The following AGBL4 variants were observed in gnomAD, a reference collection of about 807,000 sequenced individuals.
AGBL4 encodes AGBL carboxypeptidase 4.
Under a neutral mutation model 66.4 loss-of-function variants are expected in AGBL4, and 58 were observed. The ratio of observed to expected loss-of-function variants is 0.87; its 90% confidence interval spans 0.71 to 1.09. The LOEUF (loss-of-function observed/expected upper bound fraction) is 1.09. Ranked by LOEUF, AGBL4 falls within the 50% of genes least tolerant of loss-of-function variation. The pLI is 0.00. For synonymous variants in AGBL4, 234 were observed against 222.9 expected (o/e 1.05, Z -0.44); for missense variants, 579 against 631.0 (o/e 0.92, Z 0.88).
intron 3 of AGBL4, among the ~76,000 whole-genome samples, chr1:49,455,359 T>C (rs1557956443): frequency 1.3e-5 from 2 of 151,720 alleles, no homozygotes; most frequent in South Asian, 4.1e-4. Context: ...AATATTTGTC[T>C]AACGGTTAAA....
chr1:49,128,266 A>C (rs761262945), intron 4 of AGBL4, among the ~76,000 whole-genome samples: 1 of 152,012 alleles, frequency 6.6e-6, no homozygotes, highest in East Asian at 1.9e-4. Flanking sequence ...GAAGAGATAC[A>C]TTATGCCATA....
intron 2 of AGBL4, among the ~76,000 whole-genome samples, chr1:49,714,817 G>A (rs1647966532): frequency 6.6e-6 from 1 of 151,666 alleles, no homozygotes; most frequent in Non-Finnish European, 1.5e-5. Flanking sequence ...AGATTCAGTG[G>A]TAGCTCTATT....
chr1:48,648,426 A>G (rs1472647199), intron 8 of AGBL4, among the ~76,000 whole-genome samples: 2 of 152,190 alleles, frequency 1.3e-5, no homozygotes, highest in African/African-American at 4.8e-5. Flanking sequence ...CTACTAAATG[A>G]TGGAAGGTGC....
chr1:48,758,109 G>C (rs1004747488), intron 6 of AGBL4, among the ~76,000 whole-genome samples: 2 of 152,074 alleles, frequency 1.3e-5, no homozygotes, highest in African/African-American at 4.8e-5. Flanking sequence ...GTTAAAATAG[G>C]GTGCAATATA....
intron 3 of AGBL4, among the ~76,000 whole-genome samples, chr1:49,692,735 G>A (rs1394502472): frequency 6.6e-6 from 1 of 151,116 alleles, no homozygotes; most frequent in Non-Finnish European, 1.5e-5. Context: ...AAAAAAAAGA[G>A]CAGCAAACTT....
At chr1:49,381,845 G>T (rs1239448616) in intron 3 of AGBL4, among the ~76,000 whole-genome samples, 3 of 132,826 alleles carry the variant, frequency 2.3e-5, no homozygotes, top group Non-Finnish European at 4.7e-5. Context: ...GGGGACTGTG[G>T]TGGGGTGGGG....
intron 3 of AGBL4, among the ~76,000 whole-genome samples, chr1:49,450,028 G>T (rs1646243080): frequency 6.6e-6 from 1 of 152,034 alleles, no homozygotes; most frequent in South Asian, 2.1e-4. Flanking sequence ...CTGCCAGGTA[G>T]ACCTGCCAAC....
At chr1:48,996,661 G>A (rs537072011) in intron 5 of AGBL4, among the ~76,000 whole-genome samples, 5 of 152,080 alleles carry the variant, frequency 3.3e-5, no homozygotes, top group Non-Finnish European at 7.4e-5. Context: ...GAAGAATGTT[G>A]TGAATTAAAG....
At chr1:49,104,904 TC>T (rs2148008822) in intron 4 of AGBL4, among the ~76,000 whole-genome samples, 1 of 152,306 alleles carries the variant, frequency 6.6e-6, no homozygotes, top group Admixed American at 6.5e-5. Flanking sequence ...TCTTCTTTCC[TC>T]CCACACAAGA....
rs2148530932 is a variant in AGBL4 at position 49,358,087 on chromosome 1, A to G, written c.283-112223T>C. Among the ~76,000 whole-genome samples, 3 of 152,252 alleles carry G rather than the reference A, an allele frequency of 2.0e-5. No homozygotes were observed. In the South Asian group the frequency reaches 6.2e-4, roughly 32 times the overall value. On this transcript the variant is annotated intron_variant, in intron 3 of 13. Coordinates refer to ENST00000371839, the MANE Select transcript of AGBL4 (RefSeq NM_032785.4). ...CCAGTTTCCACTAACCCTTTACTAT[A>G]ATTCTGATGAATGTATTAATTAAAC... is the stretch of plus-strand genomic sequence containing the variant.
chr1:49,920,741 GT>G (rs1403035263), intron 1 of AGBL4, among the ~76,000 whole-genome samples: 1 of 152,128 alleles, frequency 6.6e-6, no homozygotes, highest in East Asian at 1.9e-4. Flanking sequence ...CCATTACTGG[GT>G]ATATACCCAA....
At chr1:48,898,663 T>C (rs12047399) in intron 5 of AGBL4, among the ~76,000 whole-genome samples, 60,253 of 151,604 alleles carry the variant, frequency 0.4, 15,039 homozygotes, top group Non-Finnish European at 0.56. Flanking sequence ...TTTTTTTTTA[T>C]GCCAGTACCA....
Position 48,712,185 on chromosome 1 carries a change from G to A in AGBL4, c.635-48944C>T, listed in dbSNP as rs139307363. ...GAGGCTCTGAAGCAAGCTTTAGTGTGTGTGGGCTTTCCACACATATCCCTT... is the reference window on the plus strand; with the variant it reads ...GAGGCTCTGAAGCAAGCTTTAGTGTATGTGGGCTTTCCACACATATCCCTT... On this transcript the variant is annotated intron_variant, in intron 6 of 13. Transcript: ENST00000371839. Among the ~76,000 whole-genome samples the A allele has an allele frequency of 5.1e-3, 778 of 152,326 alleles. 7 individuals are homozygous for A. The highest frequency in any genetic ancestry group is 0.016 in the African/African-American group (665 of 41,566).
intron 6 of AGBL4, among the ~76,000 whole-genome samples, chr1:48,685,343 T>C (rs1646515550): frequency 2.0e-5 from 3 of 152,224 alleles, no homozygotes; most frequent in Admixed American, 1.3e-4. Context: ...TACTATCTCA[T>C]TGTGTCAGTA....
intron 3 of AGBL4, among the ~76,000 whole-genome samples, chr1:49,636,127 A>G (rs188867685): frequency 1.3e-5 from 2 of 152,302 alleles, no homozygotes; most frequent in South Asian, 2.1e-4. Context: ...GTAAATATGG[A>G]AGGAAAACCA....
Position 49,922,126 on chromosome 1 carries a change from G to T in AGBL4, c.35-70608C>A, listed in dbSNP as rs552104249. ...TCATGTTTTTGTCTTTTGTGGTTTTGTTTTTGTTTATGTGATGAGTCACAT... is the reference window on the plus strand; with the variant it reads ...TCATGTTTTTGTCTTTTGTGGTTTTTTTTTTGTTTATGTGATGAGTCACAT... On this transcript the variant is annotated intron_variant, in intron 1 of 13. Transcript: ENST00000371839. Among the ~76,000 whole-genome samples, 14 of 152,228 alleles carry T rather than the reference G, an allele frequency of 9.2e-5. No homozygotes were observed. The East Asian group carries it at 2.7e-3, about 29-fold the overall frequency.
Position 48,837,697 on chromosome 1 carries a change from C to T in AGBL4, c.634+29494G>A, listed in dbSNP as rs541447389. ...ACACACACACACACACGCACACACA[C>T]GCACACACACACACTATATATATAT... On this transcript the variant is annotated intron_variant, in intron 6 of 13. Transcript: ENST00000371839. Among the ~76,000 whole-genome samples, 30 of 115,972 alleles carry T rather than the reference C, an allele frequency of 2.6e-4. No individual in the cohort carries two copies. The South Asian group carries it at 4.7e-3, about 18-fold the overall frequency. The allele number at this position is 115,972 out of a possible 152,430, so 76.1% of individuals were successfully genotyped here.
intron 8 of AGBL4, among the ~76,000 whole-genome samples, chr1:48,635,850 A>C (rs1294798886): frequency 6.6e-6 from 1 of 152,204 alleles, no homozygotes; most frequent in East Asian, 1.9e-4. Flanking sequence ...CTCACCTTCT[A>C]GGCCAGCAAG....
At chr1:49,610,341 G>T (rs760772488) in intron 3 of AGBL4, among the ~76,000 whole-genome samples, 4 of 152,098 alleles carry the variant, frequency 2.6e-5, no homozygotes, top group Non-Finnish European at 4.4e-5. Context: ...ACACAGCTAG[G>T]GAGTGTTGGA....
Sources: gnomAD v4.1 joint callset for allele counts (sites outside exome capture counted in the v4.1 genomes callset) on GRCh38, gnomAD v4.1.1 for gene constraint, MANE v1.5 for transcripts, NCBI Gene and HGNC (gene_info 2026-07-23, HGNC 2026-07-21) for gene names.